MAPK8: variants seen among roughly 807,000 people sequenced by gnomAD.
The protein encoded by MAPK8 is JUN N-terminal kinase.
In MAPK8, 13 loss-of-function variants were observed where a neutral mutation model predicts 52.9. That is an observed-to-expected ratio of 0.25 (90% confidence interval 0.16 to 0.39). MAPK8 has a LOEUF of 0.39. Among genes scored for constraint, MAPK8 ranks in the 10% least tolerant of loss-of-function variants. MAPK8 has a pLI of 1.00. For missense variants in MAPK8, 300 were observed against 519.2 expected, an observed-to-expected ratio of 0.58 and a Z score of 4.10; for synonymous variants, 191 against 169.8, an observed-to-expected ratio of 1.12 and a Z score of -0.97.
intron 1 of MAPK8, among the ~76,000 whole-genome samples, chr10:48,338,440 A>C (rs1459454798): frequency 6.6e-6 from 1 of 152,184 alleles, no homozygotes; most frequent in Non-Finnish European, 1.5e-5. Flanking sequence ...CAAAATAGTA[A>C]GAGTCATTTA....
At position 48,401,654 on chromosome 10, in the gene MAPK8, T is replaced by C. The variant is rs747898436; in HGVS notation, c.-7T>C. 4.3e-6 allele frequency: 7 copies of C among 1,610,634 alleles called. No homozygotes were observed. Among genetic ancestry groups the C allele is most frequent in the Non-Finnish European group, 5.9e-6 (7 of 1,178,798 alleles). On this transcript the variant is annotated 5_prime_UTR_variant, in exon 2 of 12. Transcript: ENST00000374189. ...GGATGAAGCCATTAAATTAATTGCT[T>C]GCCATCATGAGCAGAAGCAAGCGTG...
chr10:48,399,949 CG>C (rs1358382798), intron 1 of MAPK8, among the ~76,000 whole-genome samples: 3 of 152,152 alleles, frequency 2.0e-5, no homozygotes, highest in African/African-American at 7.2e-5. Context: ...CCATGTCCCC[CG>C]CTGACCCAGT....
At chr10:48,421,349 A>AT (rs2043343498) in intron 6 of MAPK8, among the ~76,000 whole-genome samples, 1 of 152,066 alleles carries the variant, frequency 6.6e-6, no homozygotes, top group Admixed American at 6.5e-5. Flanking sequence ...GAAGTTTTTT[A>AT]TTTTTTGGGA....
intron 1 of MAPK8, among the ~76,000 whole-genome samples, chr10:48,373,376 A>G (rs2040441869): frequency 6.6e-6 from 1 of 152,036 alleles, no homozygotes; most frequent in East Asian, 1.9e-4. Flanking sequence ...GATCAATTTC[A>G]CACATAACAA....
chr10:48,373,287 A>G (rs2132647937), intron 1 of MAPK8, among the ~76,000 whole-genome samples: 1 of 152,250 alleles, frequency 6.6e-6, no homozygotes, highest in East Asian at 1.9e-4. Flanking sequence ...AAAACATACC[A>G]AATTGTAAAG....
chr10:48,345,751 G>T (rs886444397), intron 1 of MAPK8, among the ~76,000 whole-genome samples: 1 of 152,196 alleles, frequency 6.6e-6, no homozygotes, highest in African/African-American at 2.4e-5. Flanking sequence ...AAAGTCCTGA[G>T]TTTTCTTATT....
intron 1 of MAPK8, among the ~76,000 whole-genome samples, chr10:48,350,584 A>G (rs1846216656): frequency 6.6e-6 from 1 of 152,094 alleles, no homozygotes. Flanking sequence ...CATGCTAAAA[A>G]CTCAACAAAC....
intron 7 of MAPK8, chr10:48,425,348 T>A (rs1159540907): frequency 2.1e-6 from 1 of 481,994 alleles, no homozygotes; most frequent in Non-Finnish European, 3.7e-6. Context: ...CTTTAGAAAA[T>A]TTTTTTAAAC....
chr10:48,319,645 A>C (rs1046060309), intron 1 of MAPK8, among the ~76,000 whole-genome samples: 1 of 152,022 alleles, frequency 6.6e-6, no homozygotes, highest in Non-Finnish European at 1.5e-5. Flanking sequence ...GCCTGCCACT[A>C]GGCCTGGCTA....
intron 1 of MAPK8, among the ~76,000 whole-genome samples, chr10:48,374,304 A>G (rs975852901): frequency 4.6e-5 from 7 of 152,288 alleles, no homozygotes; most frequent in Middle Eastern, 3.4e-3. Context: ...AAGATCCAAA[A>G]TCGACACCCT....
intron 1 of MAPK8, chr10:48,326,024 A>C (rs1328887551): frequency 6.6e-6 from 1 of 152,212 alleles, no homozygotes; most frequent in Non-Finnish European, 1.5e-5. Context: ...TGGCTGAGGT[A>C]ATGTTTGTCT....
intron 10 of MAPK8, chr10:48,429,848 A>G (rs1652105438): frequency 6.6e-6 from 1 of 152,186 alleles, no homozygotes; most frequent in Admixed American, 6.5e-5. Flanking sequence ...TCAGAATTTT[A>G]TTCTTCAGGA....
In MAPK8 at chr10:48,436,508, G is replaced by C. The variant is rs942843883; in HGVS notation, c.*1479G>C. On this transcript the variant is annotated 3_prime_UTR_variant, in exon 12 of 12. Coordinates refer to ENST00000374189, the MANE Select transcript of MAPK8 (RefSeq NM_001323329.2). Reference sequence around the variant, plus strand: ...TGGAACAAGAGGGATTTCATGTAATGAACTAGGAAATGCATACTCACATAA... The same window carrying C: ...TGGAACAAGAGGGATTTCATGTAATCAACTAGGAAATGCATACTCACATAA... 3 of 152,192 alleles carry C rather than the reference G, an allele frequency of 2.0e-5. No individual in the cohort carries two copies. Among genetic ancestry groups the C allele is most frequent in the African/African-American group, 7.2e-5 (3 of 41,450 alleles). 9.4% of individuals were successfully genotyped at this position (152,192 alleles called of 1,614,324 possible). A position where few individuals can be genotyped will look rare whatever the true frequency, so the allele number is the denominator to read the frequency against.
At chr10:48,396,324 G>GC (rs1212720204) in intron 1 of MAPK8, among the ~76,000 whole-genome samples, 6 of 152,100 alleles carry the variant, frequency 3.9e-5, no homozygotes, top group Non-Finnish European at 1.5e-5. Context: ...GTATATAGAT[G>GC]ACAAAGAAGC....
At chr10:48,377,607 G>T (rs137868274) in intron 1 of MAPK8, among the ~76,000 whole-genome samples, 77 of 152,172 alleles carry the variant, frequency 5.1e-4, no homozygotes, top group African/African-American at 1.8e-3. Context: ...CCCTCCCCTG[G>T]ATTGGAGAAG....
chr10:48,347,545 C>G (rs1431916383), intron 1 of MAPK8, among the ~76,000 whole-genome samples: 1 of 152,182 alleles, frequency 6.6e-6, no homozygotes, highest in Non-Finnish European at 1.5e-5. Flanking sequence ...TATCTCTGCC[C>G]TAGCTCCCCA....
intron 5 of MAPK8, among the ~76,000 whole-genome samples, chr10:48,418,089 G>A (rs2043159857): frequency 6.6e-6 from 1 of 152,324 alleles, no homozygotes; most frequent in African/African-American, 2.4e-5. Context: ...CTGTGTTTCA[G>A]TATCAGCACT....
intron 1 of MAPK8, among the ~76,000 whole-genome samples, chr10:48,376,301 G>A (rs577053479): frequency 1.3e-5 from 2 of 152,244 alleles, no homozygotes; most frequent in African/African-American, 4.8e-5. Context: ...GAAAACCTAG[G>A]CAGTACCATT....
chr10:48,321,098 T>TG (rs1842955598), intron 1 of MAPK8, among the ~76,000 whole-genome samples: 1 of 149,180 alleles, frequency 6.7e-6, no homozygotes, highest in African/African-American at 2.5e-5. Context: ...AGTTTTTTTT[T>TG]TTTTTTTTTT....
Sources: gnomAD v4.1 joint callset for allele counts (sites outside exome capture counted in the v4.1 genomes callset) on GRCh38, gnomAD v4.1.1 for gene constraint, MANE v1.5 for transcripts, NCBI Gene and HGNC (gene_info 2026-07-23, HGNC 2026-07-21) for gene names.